FRAS1: variants seen among roughly 807,000 people sequenced by gnomAD.
FRAS1 encodes the protein extracellular matrix organizing protein FRAS1.
In FRAS1, 290 loss-of-function variants were observed where a neutral mutation model predicts 435.2. That is an observed-to-expected ratio of 0.67 (90% CI 0.61 to 0.73). The LOEUF (loss-of-function observed/expected upper bound fraction) is 0.73, where lower values mean the gene tolerates loss of function less well. Among genes scored for constraint, FRAS1 ranks in the 30% least tolerant of loss-of-function variants. The pLI is 0.00. For synonymous variants in FRAS1, 1,800 were observed against 1,851.0 expected (o/e 0.97, Z 0.71); for missense variants, 4,860 against 5,001.5 (o/e 0.97, Z 0.85).
chr4:78,381,866 A>G (rs1223509570), intron 27 of FRAS1, among the ~76,000 whole-genome samples: 3 of 140,606 alleles, frequency 2.1e-5, no homozygotes, highest in East Asian at 4.1e-4. Flanking sequence ...TTCTTTATCC[A>G]ACAAAAGAAA....
intron 51 of FRAS1, among the ~76,000 whole-genome samples, chr4:78,471,104 T>G (rs1484850190): frequency 6.6e-6 from 1 of 152,162 alleles, no homozygotes; most frequent in Non-Finnish European, 1.5e-5. Flanking sequence ...ACAGATGAAT[T>G]GTACTTTAGG....
intron 2 of FRAS1, among the ~76,000 whole-genome samples, chr4:78,192,722 A>G (rs1454634219): frequency 1.3e-5 from 2 of 152,300 alleles, no homozygotes; most frequent in East Asian, 3.9e-4. Flanking sequence ...TCAAAAAACC[A>G]GCTCCTGGAT....
intron 2 of FRAS1, among the ~76,000 whole-genome samples, chr4:78,133,854 T>C (rs924260681): frequency 6.6e-6 from 1 of 152,032 alleles, no homozygotes; most frequent in African/African-American, 2.4e-5. Context: ...TTTGAAAGGA[T>C]CTTTTGGGTC....
intron 2 of FRAS1, among the ~76,000 whole-genome samples, chr4:78,121,408 C>T (rs2109964280): frequency 6.6e-6 from 1 of 152,294 alleles, no homozygotes; most frequent in Non-Finnish European, 1.5e-5. Flanking sequence ...GCCTCTGTAA[C>T]CCAGTGAGAA....
intron 2 of FRAS1, among the ~76,000 whole-genome samples, chr4:78,090,406 T>C (rs1421121222): frequency 6.6e-6 from 1 of 152,190 alleles, no homozygotes; most frequent in East Asian, 1.9e-4. Flanking sequence ...AAAAGAGTGG[T>C]CTGGAAATTA....
Position 78,543,009 on chromosome 4 carries a change from A to C in FRAS1, c.*1885A>C, listed in dbSNP as rs1333210185. ...GCAGGAGATGAGACTATGAATTGGC[A>C]TCCAGAACAGGAGATTTAGAGCAAA... is the stretch of plus-strand genomic sequence containing the variant. On this transcript the variant is annotated 3_prime_UTR_variant, in exon 74 of 74. Coordinates refer to ENST00000512123, the MANE Select transcript of FRAS1 (RefSeq NM_025074.7). 6.6e-6 allele frequency: 1 copy of C among 152,248 alleles called. No individual in the cohort carries two copies. Among genetic ancestry groups the C allele is most frequent in the Non-Finnish European group, 1.5e-5 (1 of 68,042 alleles). 9.4% of individuals were successfully genotyped at this position (152,248 alleles called of 1,614,324 possible).
chr4:78,407,166 A>G (rs1431760884), intron 30 of FRAS1, among the ~76,000 whole-genome samples: 1 of 152,254 alleles, frequency 6.6e-6, no homozygotes, highest in Non-Finnish European at 1.5e-5. Flanking sequence ...AGAATTTCAG[A>G]TAAGAGAAAT....
Position 78,497,006 on chromosome 4 carries a change from A to G in FRAS1, c.9115+45A>G, listed in dbSNP as rs751595656. ...TTAGTTACTCTTAGGTTGAGGGGAC[A>G]TAAACTGATGTTTAACTAATTATTA... On this transcript the variant is annotated intron_variant, in intron 60 of 73. Coordinates refer to ENST00000512123, the MANE Select transcript of FRAS1 (RefSeq NM_025074.7). 5 of 1,469,354 alleles carry G rather than the reference A, an allele frequency of 3.4e-6. No individual in the cohort carries two copies. The African/African-American group carries it at 4.2e-5, about 12-fold the overall frequency. 91.0% of individuals were successfully genotyped at this position (1,469,354 alleles called of 1,614,324 possible). A position where few individuals can be genotyped will look rare whatever the true frequency, so the allele number is the denominator to read the frequency against.
rs532187160 is a variant in FRAS1, at chr4:78,478,028, G to C, written c.8065G>C (p.Ala2689Pro). 3 of 1,587,752 alleles carry C rather than the reference G, an allele frequency of 1.9e-6. No individual in the cohort carries two copies. The East Asian group carries it at 6.9e-5, about 36-fold the overall frequency. Residue 2689 changes from alanine to proline, a missense_variant, in exon 55 of 74, where the codon GCT (alanine) becomes CCT (proline). Physicochemically the swap from Ala to Pro is conservative, Grantham distance 27 (BLOSUM62 -1). Transcript: ENST00000512123. ...GAAGATCTACTGGGTTAACGAGAGC[G>C]CTGGTTTTCTGTTTGCACCTATTGA... The part of the protein sequence containing the change: ...DKKIYWVNES[A>P]GFLFAPIERK...
At chr4:78,508,275 G>A (rs1720904119) in intron 62 of FRAS1, among the ~76,000 whole-genome samples, 1 of 152,158 alleles carries the variant, frequency 6.6e-6, no homozygotes, top group Non-Finnish European at 1.5e-5. Flanking sequence ...TCATATATTA[G>A]AAAAGAATGA....
intron 6 of FRAS1, among the ~76,000 whole-genome samples, chr4:78,258,041 T>C (rs1420804657): frequency 1.3e-5 from 2 of 152,174 alleles, no homozygotes; most frequent in African/African-American, 2.4e-5. Flanking sequence ...TTGGATGTTT[T>C]TTCAAGAAAG....
chr4:78,238,996 C>T (rs764549651), intron 3 of FRAS1, among the ~76,000 whole-genome samples: 6 of 152,122 alleles, frequency 3.9e-5, no homozygotes, highest in Non-Finnish European at 8.8e-5. Context: ...AATCAAATTT[C>T]ACCATTGATA....
intron 1 of FRAS1, among the ~76,000 whole-genome samples, chr4:78,058,752 C>G (rs1037957232): frequency 6.6e-6 from 1 of 152,202 alleles, no homozygotes; most frequent in Non-Finnish European, 1.5e-5. Context: ...AGGCTCCAAG[C>G]TACCTGTAAA....
chr4:78,499,920 C>T lies in FRAS1; in HGVS notation c.9315C>T (p.Pro3105=), dbSNP rs772629108. The change falls in exon 61 of 74, where the codon CCC becomes CCT. Residue 3105 remains proline (P), a splice_region_variant and synonymous_variant. Coordinates refer to ENST00000512123, the MANE Select transcript of FRAS1 (RefSeq NM_025074.7). ...YPKSRVLKFS[P]GVDHIFFKVE... Reference sequence around the variant, plus strand: ...AGAGCCGAGTCTTGAAGTTCAGTCCCGGTAATTGAATGCCAACCTCAATCT... The same window carrying T: ...AGAGCCGAGTCTTGAAGTTCAGTCCTGGTAATTGAATGCCAACCTCAATCT... 3.5e-5 allele frequency: 54 copies of T among 1,532,944 alleles called. No individual in the cohort carries two copies. Among genetic ancestry groups the T allele is most frequent in the Non-Finnish European group, 4.3e-5 (49 of 1,130,276 alleles). The allele number at this position is 1,532,944 out of a possible 1,614,324, so 95.0% of individuals were successfully genotyped here.
At chr4:78,519,651 C>T (rs1347504092) in intron 67 of FRAS1, among the ~76,000 whole-genome samples, 170 bp downstream of exon 67, 4 of 152,170 alleles carry the variant, frequency 2.6e-5, no homozygotes, top group Non-Finnish European at 5.9e-5. Context: ...GAATGATGTC[C>T]TTCTGTCCTG....
intron 14 of FRAS1, among the ~76,000 whole-genome samples, chr4:78,291,718 G>A (rs1393862680): frequency 1.3e-5 from 2 of 152,082 alleles, no homozygotes; most frequent in Non-Finnish European, 2.9e-5. Context: ...TGCCTATAGT[G>A]AGCTCACAGT....
At chr4:78,207,520 G>A (rs1419001998) in intron 2 of FRAS1, among the ~76,000 whole-genome samples, 1 of 152,148 alleles carries the variant, frequency 6.6e-6, no homozygotes, top group Non-Finnish European at 1.5e-5. Flanking sequence ...AAAATTTCTT[G>A]TTTTTAAAGG....
intron 19 of FRAS1, 33 bp downstream of exon 19, chr4:78,333,445 A>G (rs376131510): frequency 2.4e-5 from 38 of 1,597,510 alleles, no homozygotes; most frequent in East Asian, 9.0e-5. Flanking sequence ...CACATTGCCT[A>G]TGACCATGTT....
chr4:78,435,892 G>T (rs938748001), intron 38 of FRAS1, among the ~76,000 whole-genome samples: 6 of 152,078 alleles, frequency 3.9e-5, no homozygotes, highest in African/African-American at 1.4e-4. Context: ...ACTACAGACA[G>T]ATCAAGTACT....
Sources: gnomAD v4.1 joint callset for allele counts (sites outside exome capture counted in the v4.1 genomes callset) on GRCh38, gnomAD v4.1.1 for gene constraint, MANE v1.5 for transcripts, NCBI Gene and HGNC (gene_info 2026-07-23, HGNC 2026-07-21) for gene names.